Variants in SH3RF1 observed in about 807,000 individuals in gnomAD.
SH3RF1 encodes E3 ubiquitin-protein ligase SH3RF1.
Under a neutral mutation model 74.0 loss-of-function variants are expected in SH3RF1, and 32 were observed. That is an observed-to-expected ratio of 0.43 (90% confidence interval 0.33 to 0.58). The LOEUF (loss-of-function observed/expected upper bound fraction) is 0.58. Among genes scored for constraint, SH3RF1 ranks in the 20% least tolerant of loss-of-function variants. The pLI is 0.05. For synonymous variants in SH3RF1, 396 were observed against 439.6 expected (o/e 0.90, Z 1.24); for missense variants, 954 against 1,130.9 (o/e 0.84, Z 2.24).
At chr4:169,125,798 T>C (rs550887433) in intron 6 of SH3RF1, among the ~76,000 whole-genome samples, 1 of 152,348 alleles carries the variant, frequency 6.6e-6, no homozygotes, top group East Asian at 1.9e-4. Flanking sequence ...TCCTTGTGTG[T>C]ACTGAACTCA....
intron 6 of SH3RF1, among the ~76,000 whole-genome samples, chr4:169,122,704 AC>A (rs1356165292): frequency 1.3e-5 from 2 of 152,192 alleles, no homozygotes; most frequent in Non-Finnish European, 2.9e-5. Flanking sequence ...ATGTAGCTGT[AC>A]TATATCTCAA....
At chr4:169,230,805 G>A (rs1434057191) in intron 2 of SH3RF1, among the ~76,000 whole-genome samples, 1 of 147,836 alleles carries the variant, frequency 6.8e-6, no homozygotes. Flanking sequence ...GCAGTGAGCT[G>A]AGATCGTGCC....
At chr4:169,153,918 G>C (rs1458045132) in intron 4 of SH3RF1, among the ~76,000 whole-genome samples, 2 of 152,140 alleles carry the variant, frequency 1.3e-5, no homozygotes, top group African/African-American at 4.8e-5. Context: ...ATTTGCCATG[G>C]GTGGATCTTT....
intron 11 of SH3RF1, among the ~76,000 whole-genome samples, chr4:169,098,711 A>G (rs1308509376): frequency 1.3e-5 from 2 of 152,228 alleles, no homozygotes; most frequent in African/African-American, 2.4e-5. Context: ...GGAAGGAAGC[A>G]TGACACAGCG....
At chr4:169,179,491 A>G (rs1203865714) in intron 2 of SH3RF1, among the ~76,000 whole-genome samples, 2 of 152,202 alleles carry the variant, frequency 1.3e-5, no homozygotes, top group Non-Finnish European at 2.9e-5. Context: ...ATATGAACCA[A>G]TATCCAAAAT....
intron 10 of SH3RF1, among the ~76,000 whole-genome samples, chr4:169,108,158 A>G (rs577883154): frequency 5.3e-5 from 8 of 152,222 alleles, no homozygotes; most frequent in Non-Finnish European, 1.2e-4. Flanking sequence ...TTTTACCAAG[A>G]TGTCAACTAC....
chr4:169,227,048 C>T (rs1730662252), intron 2 of SH3RF1, among the ~76,000 whole-genome samples: 1 of 151,872 alleles, frequency 6.6e-6, no homozygotes. Flanking sequence ...AATCTCTAGT[C>T]CTAAATACTC....
chr4:169,188,814 T>TACAC (rs1379468022), intron 2 of SH3RF1, among the ~76,000 whole-genome samples: 1 of 152,252 alleles, frequency 6.6e-6, no homozygotes, highest in Admixed American at 6.5e-5. Flanking sequence ...TTGGTGCGTG[T>TACAC]GCTTCAAGCT....
At chr4:169,259,675 G>A (rs1731246194) in intron 2 of SH3RF1, among the ~76,000 whole-genome samples, 1 of 152,128 alleles carries the variant, frequency 6.6e-6, no homozygotes, top group Non-Finnish European at 1.5e-5. Flanking sequence ...GGGAGGGTGA[G>A]GGAGTTGAAG....
chr4:169,266,926 A>C (rs1286496602), intron 2 of SH3RF1, among the ~76,000 whole-genome samples: 2 of 152,218 alleles, frequency 1.3e-5, no homozygotes, highest in Non-Finnish European at 2.9e-5. Flanking sequence ...TTCCTGTTCC[A>C]TCCACCTCAA....
intron 2 of SH3RF1, among the ~76,000 whole-genome samples, chr4:169,231,475 AG>A (rs1158176879): frequency 6.6e-6 from 1 of 152,148 alleles, no homozygotes; most frequent in Non-Finnish European, 1.5e-5. Flanking sequence ...CTGAGGCTGG[AG>A]AATCGCTTGA....
chr4:169,227,132 C>T (rs554046707), intron 2 of SH3RF1, among the ~76,000 whole-genome samples: 26 of 152,010 alleles, frequency 1.7e-4, no homozygotes, highest in Non-Finnish European at 3.7e-4. Context: ...TGCCACTGTA[C>T]TCCAGCCCGG....
At chr4:169,265,468 A>G (rs1041030640) in intron 2 of SH3RF1, among the ~76,000 whole-genome samples, 7 of 151,934 alleles carry the variant, frequency 4.6e-5, no homozygotes, top group Non-Finnish European at 7.4e-5. Context: ...AGATATTAAG[A>G]GAACTTAAAA....
intron 2 of SH3RF1, among the ~76,000 whole-genome samples, chr4:169,253,122 T>C (rs946135831): frequency 2.0e-5 from 3 of 152,174 alleles, no homozygotes; most frequent in Non-Finnish European, 4.4e-5. Context: ...AGAATTTACA[T>C]AATAAATATT....
rs1414126984 is a variant in SH3RF1 at position 169,096,349 on chromosome 4, C to G, written c.*170G>C. 2 of 650,492 alleles carry G rather than the reference C, an allele frequency of 3.1e-6. No individual in the cohort carries two copies. The highest frequency in any genetic ancestry group is 4.3e-5 in the South Asian group (2 of 46,640). The allele number at this position is 650,492 out of a possible 1,614,324, so 40.3% of individuals were successfully genotyped here. On this transcript the variant is annotated 3_prime_UTR_variant, in exon 12 of 12. Coordinates refer to ENST00000284637, the MANE Select transcript of SH3RF1 (RefSeq NM_020870.4). ...AGACTAACAAAACCCACACAAACAT[C>G]TTCTTCATTCTGCTCGCTGGGGTAA...
chr4:169,146,517 C>A (rs934114836), intron 4 of SH3RF1, among the ~76,000 whole-genome samples: 1 of 151,876 alleles, frequency 6.6e-6, no homozygotes, highest in Non-Finnish European at 1.5e-5. Context: ...TGTGAGCCAC[C>A]ACCCGGCCTA....
At chr4:169,260,696 T>TATAA (rs944504855) in intron 2 of SH3RF1, among the ~76,000 whole-genome samples, 2 of 152,026 alleles carry the variant, frequency 1.3e-5, no homozygotes, top group African/African-American at 4.8e-5. Context: ...AAAAGAGAAA[T>TATAA]ATAAATAAAT....
At chr4:169,165,302 C>A (rs536878205) in intron 2 of SH3RF1, among the ~76,000 whole-genome samples, 2 of 152,254 alleles carry the variant, frequency 1.3e-5, no homozygotes, top group African/African-American at 4.8e-5. Context: ...TGCATCTTAT[C>A]TAATCCTACA....
intron 2 of SH3RF1, among the ~76,000 whole-genome samples, chr4:169,238,767 G>A (rs567155434): frequency 9.9e-5 from 15 of 152,266 alleles, no homozygotes; most frequent in Non-Finnish European, 2.2e-4. Flanking sequence ...AAACATTTCA[G>A]CTGCCCTAAT....
Sources: gnomAD v4.1 joint callset for allele counts (sites outside exome capture counted in the v4.1 genomes callset) on GRCh38, gnomAD v4.1.1 for gene constraint, MANE v1.5 for transcripts, NCBI Gene and HGNC (gene_info 2026-07-23, HGNC 2026-07-21) for gene names.